The following MLC1 variants were observed in gnomAD, a reference collection of about 807,000 sequenced individuals.
MLC1 encodes modulator of VRAC current 1.
Under a neutral mutation model 44.7 loss-of-function variants are expected in MLC1, and 32 were observed. That is an observed-to-expected ratio of 0.72 (90% CI 0.54 to 0.96). MLC1 has a LOEUF of 0.96. MLC1 is among the 40% of genes least tolerant of loss of function. The pLI is 0.00. For missense variants in MLC1, 459 were observed against 492.2 expected, an observed-to-expected ratio of 0.93 and a Z score of 0.64; for synonymous variants, 190 against 213.0, an observed-to-expected ratio of 0.89 and a Z score of 0.94.
rs1569247029 is a variant in MLC1 at position 50,074,286 on chromosome 22, A to G, written c.644T>C (p.Ile215Thr). 2 of 1,614,178 alleles carry G rather than the reference A, an allele frequency of 1.2e-6. No homozygotes were observed. The highest frequency in any genetic ancestry group is 1.7e-6 in the Non-Finnish European group (2 of 1,180,040). The change falls in exon 8 of 12, where the codon ATT (isoleucine) becomes ACT (threonine). Residue 215 changes from isoleucine (I) to threonine (T), a missense_variant. Transcript: ENST00000311597. ...AACTGAGTCATCCACGTTCAGGGCA[A>G]TGATCCCCCCGAGGACGGCAGAGAT... is the stretch of plus-strand genomic sequence containing the variant. ...AGISAVLGGIIALNVDDSVSG... is the reference protein window; with the variant it reads ...AGISAVLGGITALNVDDSVSG...
intron 8 of MLC1, among the ~76,000 whole-genome samples, chr22:50,072,111 G>C (rs568863651): frequency 3.4e-4 from 52 of 152,264 alleles, no homozygotes; most frequent in Non-Finnish European, 6.9e-4. Flanking sequence ...GTAAGCAGCA[G>C]TGAGGGCACA....
chr22:50,079,870 G>A, intron 5 of MLC1, 48 bp downstream of exon 5: 2 of 1,295,030 alleles, frequency 1.5e-6, no homozygotes, highest in Non-Finnish European at 2.2e-6. Flanking sequence ...ATTCGTGGGA[G>A]TGGGGCTGTG....
chr22:50,085,052 T>C, intron 1 of MLC1, 91 bp from the exon 2 acceptor site: 2 of 1,496,772 alleles, frequency 1.3e-6, no homozygotes, highest in Non-Finnish European at 1.8e-6. Context: ...GAAATATTGT[T>C]CATACTGAAG....
intron 2 of MLC1, 34 bp downstream of exon 2, chr22:50,084,692 T>C: frequency 6.2e-7 from 1 of 1,609,626 alleles, no homozygotes; most frequent in Non-Finnish European, 8.5e-7. Context: ...CAGATGCTCG[T>C]GGCCCTCCAA....
In MLC1 at chr22:50,059,929, TATC is replaced by T. The variant is rs1399615283; in HGVS notation, c.*1651_*1653del. ...CCACTTGTCATGAACACCATGAAGG[TATC>T]TTGGCAGCCAGAGTCACTCCTGTTC... is the stretch of plus-strand genomic sequence containing the variant. On this transcript the variant is annotated 3_prime_UTR_variant, in exon 12 of 12. Coordinates refer to ENST00000311597, the MANE Select transcript of MLC1 (RefSeq NM_015166.4). The T allele has an allele frequency of 6.6e-6, 1 of 152,274 alleles. No homozygotes were observed. The highest frequency in any genetic ancestry group is 1.5e-5 in the Non-Finnish European group (1 of 68,050). The allele number at this position is 152,274 out of a possible 1,614,324, so 9.4% of individuals were successfully genotyped here.
rs2061555937 is a variant in MLC1 at position 50,061,341 on chromosome 22, C to T, written c.*242G>A. 1 of 570,640 alleles carries T rather than the reference C, an allele frequency of 1.8e-6. No individual in the cohort carries two copies. The highest frequency in any genetic ancestry group is 1.9e-5 in the African/African-American group (1 of 53,156). The allele number at this position is 570,640 out of a possible 1,614,324, so 35.3% of individuals were successfully genotyped here. ...CGGCCTGGGAAGTTGCGGCCATGCT[C>T]CTGCTGTTACGACACGGGAGCCACT... On this transcript the variant is annotated 3_prime_UTR_variant, in exon 12 of 12. Transcript: ENST00000311597.
intron 8 of MLC1, 92 bp from the exon 9 acceptor site, chr22:50,070,675 C>T (rs1056731161): frequency 1.5e-6 from 2 of 1,360,842 alleles, no homozygotes; most frequent in Non-Finnish European, 1.0e-6. Flanking sequence ...CCCCTCCATG[C>T]AGGCTGCCTG....
chr22:50,076,496 G>T (rs534356259), intron 7 of MLC1, among the ~76,000 whole-genome samples: 2 of 151,968 alleles, frequency 1.3e-5, no homozygotes, highest in African/African-American at 4.8e-5. Flanking sequence ...CAGAGGTGGC[G>T]GTGAGCTGAG....
At chr22:50,082,103 G>C (rs910847135) in intron 3 of MLC1, among the ~76,000 whole-genome samples, 5 of 152,250 alleles carry the variant, frequency 3.3e-5, no homozygotes, top group Admixed American at 3.3e-4. Context: ...AGGGGCCAGA[G>C]ACCCAGCAGG....
chr22:50,081,268 A>G (rs2062134231), intron 3 of MLC1, among the ~76,000 whole-genome samples: 2 of 152,026 alleles, frequency 1.3e-5, no homozygotes, highest in African/African-American at 4.8e-5. Context: ...GCTTGAACCC[A>G]GGAGGTGGAG....
intron 5 of MLC1, among the ~76,000 whole-genome samples, chr22:50,079,013 G>A (rs538210221): frequency 6.6e-6 from 1 of 151,802 alleles, no homozygotes; most frequent in Non-Finnish European, 1.5e-5. Context: ...GCCGGGCGCG[G>A]TGGCTCATAC....
Position 50,064,081 on chromosome 22 carries a change from C to T in MLC1, c.1012G>A (p.Ala338Thr). 1 of 1,599,224 alleles carries T rather than the reference C, an allele frequency of 6.3e-7. No individual in the cohort carries two copies. Among genetic ancestry groups the T allele is most frequent in the South Asian group, 1.1e-5 (1 of 90,278 alleles). Reference sequence around the variant, plus strand: ...GGGCCGTTCTGGGTGTCCCAGGATGCACCCTGCAGCCTTGCACTGACCTTG... The same window carrying T: ...GGGCCGTTCTGGGTGTCCCAGGATGTACCCTGCAGCCTTGCACTGACCTTG... ...RFKVSARLQGASWDTQNGPQE... is the reference protein window; with the variant it reads ...RFKVSARLQGTSWDTQNGPQE... The change falls in exon 11 of 12, where the codon GCA (alanine) becomes ACA (threonine). Residue 338 changes from alanine to threonine, a missense_variant. Ala to Thr is a moderately conservative substitution (Grantham distance 58). Coordinates refer to ENST00000311597, the MANE Select transcript of MLC1 (RefSeq NM_015166.4).
chr22:50,080,613 G>A (rs1468955950), intron 3 of MLC1, among the ~76,000 whole-genome samples: 1 of 152,112 alleles, frequency 6.6e-6, no homozygotes, highest in Non-Finnish European at 1.5e-5. Flanking sequence ...TGTTGCCCAA[G>A]CTGATCTTAA....
At chr22:50,070,664 A>AC (rs1602007627) in intron 8 of MLC1, 81 bp from the exon 9 acceptor site, 1 of 1,422,332 alleles carries the variant, frequency 7.0e-7, no homozygotes, top group Non-Finnish European at 9.7e-7. Context: ...CCCACCAGTG[A>AC]CCCCTCCATG....
At chr22:50,065,979 T>C (rs1275191732) in intron 10 of MLC1, among the ~76,000 whole-genome samples, 1 of 152,182 alleles carries the variant, frequency 6.6e-6, no homozygotes, top group African/African-American at 2.4e-5. Context: ...GATGAAGGAA[T>C]TCAGAAGAGC....
At position 50,083,130 on chromosome 22, in the gene MLC1, T is replaced by A. The variant is rs893997861; in HGVS notation, c.221A>T (p.Asn74Ile). The change falls in exon 3 of 12, where the codon AAC (asparagine) becomes ATC (isoleucine). Residue 74 changes from asparagine (N) to isoleucine (I), a missense_variant. Transcript: ENST00000311597. The surrounding 1 kb of genome is among the most constrained non-coding windows in gnomAD (Gnocchi z 4.6). ...GTAATCCATCTCAGCCGGGAACACG[T>A]TCCCCAGGTACAGCGAAAACCCCGA... ...VTSGFSLYLG[N>I]VFPAEMDYLR... 10 of 1,613,854 alleles carry A rather than the reference T, an allele frequency of 6.2e-6. No individual in the cohort carries two copies. Among genetic ancestry groups the A allele is most frequent in the Non-Finnish European group, 8.5e-6 (10 of 1,179,970 alleles).
Position 50,074,294 on chromosome 22 carries a change from C to T in MLC1, c.636G>A (p.Gly212=), listed in dbSNP as rs772974052. Residue 212 remains glycine, a synonymous_variant, in exon 8 of 12, where the codon GGG becomes GGA. Transcript: ENST00000311597. The part of the protein sequence containing the change: ...EVIAGISAVL[G]GIIALNVDDS... ...CATCCACGTTCAGGGCAATGATCCC[C>T]CCGAGGACGGCAGAGATGCCTGCGA... 1 of 1,614,150 alleles carries T rather than the reference C, an allele frequency of 6.2e-7. No homozygotes were observed. The highest frequency in any genetic ancestry group is 2.2e-5 in the East Asian group (1 of 44,888).
In MLC1 at chr22:50,079,913, C is replaced by T; in HGVS notation, c.423+5G>A. On this transcript the variant is annotated splice_donor_5th_base_variant and intron_variant, in intron 5 of 11. Transcript: ENST00000311597. ...GGCGTCTGCGCGAAGCTCGTGTGAA[C>T]TCACGTTTATTGCTGATGGGTTCAG... The T allele has an allele frequency of 6.2e-7, 1 of 1,606,132 alleles. No individual in the cohort carries two copies. Among genetic ancestry groups the T allele is most frequent in the East Asian group, 2.2e-5 (1 of 44,854 alleles).
At chr22:50,077,604 T>TCAGCCACGGTCCCCACTTTTCC in intron 5 of MLC1, 102 bp from the exon 6 acceptor site, 7 of 906,966 alleles carry the variant, frequency 7.7e-6, no homozygotes, top group Non-Finnish European at 1.2e-5. Context: ...CGCAGGACTC[T>TCAGCCACGGTCCCCACTTTTCC]CAGCCACGGT....
Sources: gnomAD v4.1 joint callset for allele counts (sites outside exome capture counted in the v4.1 genomes callset) on GRCh38, gnomAD v4.1.1 for gene constraint, Gnocchi (gnomAD v3.1) non-coding constraint, MANE v1.5 for transcripts, NCBI Gene and HGNC (gene_info 2026-07-23, HGNC 2026-07-21) for gene names.